The following VDR variants were observed in gnomAD, a reference collection of about 807,000 sequenced individuals.
VDR encodes vitamin D3 receptor.
Under a neutral mutation model 39.7 loss-of-function variants are expected in VDR, and 19 were observed. That is an observed-to-expected ratio of 0.48 (90% CI 0.33 to 0.70). VDR has a LOEUF of 0.70. VDR is among the 30% of genes least tolerant of loss of function. The probability of loss-of-function intolerance (pLI) is 0.02; values close to 1 mark genes in which losing one functional copy is unlikely to be tolerated. For missense variants in VDR, 442 were observed against 570.5 expected, an observed-to-expected ratio of 0.77 and a Z score of 2.29; for synonymous variants, 242 against 215.8, an observed-to-expected ratio of 1.12 and a Z score of -1.07.
intron 1 of VDR, chr12:47,898,559 A>G (rs113854299): frequency 3.2e-5 from 5 of 154,454 alleles, no homozygotes; most frequent in Middle Eastern, 5.3e-4. Flanking sequence ...AGACAAGTAT[A>G]ACATGTACAC....
intron 3 of VDR, among the ~76,000 whole-genome samples, chr12:47,867,385 TG>T (rs1184676429): frequency 1.3e-5 from 2 of 148,726 alleles, no homozygotes; most frequent in African/African-American, 5.0e-5. Context: ...AAAAGAAAAG[TG>T]GCACCCTTGT....
rs376121824 is a variant in VDR, at chr12:47,873,393, C to T, written c.146+5575G>A. Among the ~76,000 whole-genome samples, 20 of 108,464 alleles carry T rather than the reference C, an allele frequency of 1.8e-4. No homozygotes were observed. In the East Asian group the frequency reaches 5.9e-3, roughly 32 times the overall value. The allele number at this position is 108,464 out of a possible 152,430, so 71.2% of individuals were successfully genotyped here. A position where few individuals can be genotyped will look rare whatever the true frequency, so the allele number is the denominator to read the frequency against. ...TTTTTTTTTTTTTGAGACGGAGTCTCGCTGTCGCCCACGCTGGAGTGCAGT... is the reference window on the plus strand; with the variant it reads ...TTTTTTTTTTTTTGAGACGGAGTCTTGCTGTCGCCCACGCTGGAGTGCAGT... On this transcript the variant is annotated intron_variant, in intron 3 of 9. Coordinates refer to ENST00000549336, the MANE Select transcript of VDR (RefSeq NM_000376.3).
chr12:47,888,523 G>A (rs983634979), intron 1 of VDR, among the ~76,000 whole-genome samples: 13 of 152,162 alleles, frequency 8.5e-5, no homozygotes, highest in African/African-American at 2.9e-4. Context: ...AATTTTTCCT[G>A]CAAGCTGCTT....
chr12:47,870,090 T>C (rs1945820848), intron 3 of VDR, among the ~76,000 whole-genome samples: 1 of 152,152 alleles, frequency 6.6e-6, no homozygotes, highest in Admixed American at 6.5e-5. Context: ...ACCCAGAGGC[T>C]CTCTGGAACT....
intron 1 of VDR, among the ~76,000 whole-genome samples, chr12:47,886,378 G>A (rs1209610726): frequency 1.3e-5 from 2 of 152,080 alleles, no homozygotes; most frequent in African/African-American, 2.4e-5. Context: ...CATAACTCAG[G>A]CATAATAATA....
Position 47,844,905 on chromosome 12 carries a change from G to T in VDR, c.1125C>A (p.Gly375=), listed in dbSNP as rs781458340. The T allele has an allele frequency of 6.2e-7, 1 of 1,614,202 alleles. No individual in the cohort carries two copies. The highest frequency in any genetic ancestry group is 1.7e-5 in the Admixed American group (1 of 60,030). The change falls in exon 10 of 10, where the codon GGC becomes GGA. Residue 375 remains glycine, a synonymous_variant. Coordinates refer to ENST00000549336, the MANE Select transcript of VDR (RefSeq NM_000376.3). The part of the protein sequence containing the change: ...TYIRCRHPPP[G]SHLLYAKMIQ... ...TCATCTTGGCATAGAGCAGGTGGCT[G>T]CCCGGGGGCGGGTGGCGGCAGCGGA... is the stretch of plus-strand genomic sequence containing the variant.
At chr12:47,881,119 T>TATATATAC (rs150135188) in intron 2 of VDR, among the ~76,000 whole-genome samples, 98 of 149,076 alleles carry the variant, frequency 6.6e-4, no homozygotes, top group South Asian at 1.1e-3. Flanking sequence ...TATATATATA[T>TATATATAC]ACACACACAT....
chr12:47,844,814 A>C lies in VDR; in HGVS notation c.1216T>G (p.Phe406Val). The C allele has an allele frequency of 6.2e-7, 1 of 1,614,170 alleles. No homozygotes were observed. Among genetic ancestry groups the C allele is most frequent in the Non-Finnish European group, 8.5e-7 (1 of 1,180,008 alleles). Residue 406 changes from phenylalanine (F) to valine (V), a missense_variant, in exon 10 of 10, where the codon TTC (phenylalanine) becomes GTC (valine). Transcript: ENST00000549336. ...EHSKQYRCLS[F>V]QPECSMKLTP... ...AGCTTCATGCTGCACTCAGGCTGGA[A>C]GGAGAGGCAGCGGTACTGCTTGGAG...
chr12:47,845,485 G>A (rs1945262910), intron 9 of VDR, among the ~76,000 whole-genome samples: 1 of 151,910 alleles, frequency 6.6e-6, no homozygotes, highest in Non-Finnish European at 1.5e-5. Flanking sequence ...CTACCCTTCT[G>A]TAGCATCACT....
chr12:47,862,258 A>C (rs2137159150), intron 4 of VDR, among the ~76,000 whole-genome samples: 1 of 152,368 alleles, frequency 6.6e-6, no homozygotes, highest in Admixed American at 6.5e-5. Context: ...TGGTGGGACC[A>C]AGCTCTCTTC....
chr12:47,845,125 C>G, intron 9 of VDR, 120 bp from the exon 10 acceptor site: 4 of 1,474,384 alleles, frequency 2.7e-6, no homozygotes, highest in Non-Finnish European at 3.7e-6. Context: ...GGCCACCCCT[C>G]TATGACTGCT....
chr12:47,903,979 C>T (rs542922902), intron 1 of VDR, among the ~76,000 whole-genome samples: 1 of 152,236 alleles, frequency 6.6e-6, no homozygotes, highest in South Asian at 2.1e-4. Context: ...CCCAGGAGAG[C>T]TTCTGCAATG....
At chr12:47,851,239 T>C (rs1467526160) in intron 7 of VDR, among the ~76,000 whole-genome samples, 1 of 152,116 alleles carries the variant, frequency 6.6e-6, no homozygotes, top group Admixed American at 6.5e-5. Context: ...AGTCCTCAGA[T>C]CTAAGGCTGC....
chr12:47,871,791 C>A (rs951460782), intron 3 of VDR, among the ~76,000 whole-genome samples: 9 of 152,192 alleles, frequency 5.9e-5, no homozygotes, highest in African/African-American at 2.2e-4. Context: ...TCTCACAGAA[C>A]CTCCATATAA....
chr12:47,882,623 G>GGCCCCGGGGGCCCCCCCC, intron 2 of VDR, 71 bp downstream of exon 2: 2 of 543,278 alleles, frequency 3.7e-6, no homozygotes, highest in East Asian at 3.6e-5. Context: ...ACCTTCTTAT[G>GGCCCCGGGGGCCCCCCCC]CCCCTCCCCC....
intron 4 of VDR, among the ~76,000 whole-genome samples, chr12:47,861,912 A>C (rs1945633217): frequency 6.6e-6 from 1 of 152,250 alleles, no homozygotes; most frequent in Admixed American, 6.5e-5. Flanking sequence ...AGGACATAAA[A>C]TGTTTCCAAA....
intron 3 of VDR, among the ~76,000 whole-genome samples, chr12:47,875,810 T>G (rs1945988832): frequency 6.6e-6 from 1 of 152,196 alleles, no homozygotes; most frequent in African/African-American, 2.4e-5. Flanking sequence ...TTATGTGAGT[T>G]TTCTGTTTAA....
Position 47,878,959 on chromosome 12 carries a change from A to AG in VDR, c.146+8dup. The AG allele has an allele frequency of 3.7e-6, 6 of 1,614,038 alleles. No individual in the cohort carries two copies. The highest frequency in any genetic ancestry group is 4.2e-6 in the Non-Finnish European group (5 of 1,179,950). On this transcript the variant is annotated intron_variant, in intron 3 of 9. Coordinates refer to ENST00000549336, the MANE Select transcript of VDR (RefSeq NM_000376.3). ...TTTCCACTGGGGAGAGCCTGGGAGG[A>AG]GGGCTCACCTGAAGAAGCCTTTGCA...
chr12:47,903,138 A>AT (rs1235837693), intron 1 of VDR, among the ~76,000 whole-genome samples: 4 of 151,914 alleles, frequency 2.6e-5, no homozygotes, highest in African/African-American at 9.7e-5. Context: ...TCTAACTCTC[A>AT]TTTTTTCCCC....
Sources: gnomAD v4.1 joint callset for allele counts (sites outside exome capture counted in the v4.1 genomes callset) on GRCh38, gnomAD v4.1.1 for gene constraint, MANE v1.5 for transcripts, NCBI Gene and HGNC (gene_info 2026-07-23, HGNC 2026-07-21) for gene names.